Variants in SLC25A25 observed in about 807,000 individuals in gnomAD.
SLC25A25 encodes mitochondrial adenyl nucleotide antiporter SLC25A25.
A neutral mutation model predicts 57.7 loss-of-function variants in SLC25A25; 32 were observed. That is an observed-to-expected ratio of 0.55 (90% CI 0.42 to 0.74). SLC25A25 has a LOEUF of 0.74. Among genes scored for constraint, SLC25A25 ranks in the 30% least tolerant of loss-of-function variants. SLC25A25 has a pLI of 0.00. For synonymous variants in SLC25A25, 306 were observed against 291.2 expected, an observed-to-expected ratio of 1.05 and a Z score of -0.52; for missense variants, 556 against 701.3, an observed-to-expected ratio of 0.79 and a Z score of 2.34.
At chr9:128,094,644 G>A (rs571503184) in intron 1 of SLC25A25, among the ~76,000 whole-genome samples, 34 of 152,296 alleles carry the variant, frequency 2.2e-4, no homozygotes, top group African/African-American at 7.7e-4. Context: ...TGCAGAGGAG[G>A]GGAGAGGAAC....
chr9:128,068,681 T>A (rs930296409), intron 1 of SLC25A25, 101 bp downstream of exon 1: 14 of 1,259,310 alleles, frequency 1.1e-5, no homozygotes, highest in Admixed American at 7.9e-5. Context: ...GAACCCCCAC[T>A]GTCCAGAGGA....
At chr9:128,093,198 G>C (rs1037889022) in intron 1 of SLC25A25, among the ~76,000 whole-genome samples, 2 of 143,318 alleles carry the variant, frequency 1.4e-5, no homozygotes, top group African/African-American at 5.2e-5. Flanking sequence ...CTTCGTCTTT[G>C]ATGGGTTCCT....
rs1833523409 is a variant in SLC25A25 at position 128,095,190 on chromosome 9, C to T, written c.262-5906C>T. ...TTGCTCAAGTTACACCTTTCCCACA[C>T]ACCTGCCGCCTTCCAGTATGAGGTA... On this transcript the variant is annotated intron_variant, in intron 1 of 10. Transcript: ENST00000373069. This position sits in a 1 kb window ranked among gnomAD's most constrained non-coding sequence, Gnocchi z 4.4. Among the ~76,000 whole-genome samples the T allele has an allele frequency of 6.6e-6, 1 of 152,230 alleles. No individual in the cohort carries two copies.
intron 1 of SLC25A25, chr9:128,098,919 G>GGAAGGCTGGAATTCCAGC: frequency 1.0e-6 from 1 of 985,440 alleles, no homozygotes; most frequent in Non-Finnish European, 1.2e-6. Flanking sequence ...TGACTTCCCA[G>GGAAGGCTGGAATTCCAGC]GAAGGCTGGA....
intron 1 of SLC25A25, among the ~76,000 whole-genome samples, chr9:128,100,178 C>T (rs1409716973): frequency 6.7e-6 from 1 of 150,114 alleles, no homozygotes; most frequent in Non-Finnish European, 1.5e-5. Context: ...CATTTCCTAC[C>T]TCCTAGAGCT....
chr9:128,072,296 A>G (rs1251769945), intron 1 of SLC25A25, among the ~76,000 whole-genome samples: 2 of 152,220 alleles, frequency 1.3e-5, no homozygotes, highest in African/African-American at 4.8e-5. Context: ...AACTAGCAGG[A>G]GCCGAAAGAG....
intron 1 of SLC25A25, among the ~76,000 whole-genome samples, chr9:128,077,417 T>G (rs1042113888): frequency 1.3e-4 from 20 of 151,282 alleles, no homozygotes; most frequent in African/African-American, 4.2e-4. Context: ...CTCGGGAGGC[T>G]GAGGCAGGAG....
In SLC25A25 at chr9:128,098,766, C is replaced by G; in HGVS notation, c.262-2330C>G. ...GCGCGGAAGGGAGAGGCGCATTCAA[C>G]CGGTATTTGTTGAGTGAATGGCTGA... On this transcript the variant is annotated intron_variant, in intron 1 of 10. Transcript: ENST00000373069. The G allele has an allele frequency of 3.1e-6, 5 of 1,603,312 alleles. No individual in the cohort carries two copies. In the South Asian group the frequency reaches 5.6e-5, roughly 18 times the overall value.
rs1273648132 is a variant in SLC25A25, at chr9:128,107,390, C to T, written c.1494C>T (p.Ile498=). 5.3e-6 allele frequency: 8 copies of T among 1,512,248 alleles called. No homozygotes were observed. The highest frequency in any genetic ancestry group is 1.3e-5 in the South Asian group (1 of 75,066). The allele number at this position is 1,512,248 out of a possible 1,614,324, so 93.7% of individuals were successfully genotyped here. The change falls in exon 11 of 11, where the codon ATC becomes ATT. Residue 498 remains isoleucine, a synonymous_variant. Coordinates refer to ENST00000373069, the MANE Select transcript of SLC25A25 (RefSeq NM_001330988.2). ...TGAAGGTCATCCCAGCTGTGAGCAT[C>T]AGCTACGTGGTCTACGAGAACCTGA... The part of the protein sequence containing the change: ...NFMKVIPAVS[I]SYVVYENLKI...
intron 1 of SLC25A25, among the ~76,000 whole-genome samples, chr9:128,089,562 T>G (rs532172942): frequency 6.6e-6 from 1 of 152,166 alleles, no homozygotes; most frequent in South Asian, 2.1e-4. Context: ...GGGCAACTGA[T>G]ACAGGCTCCT....
intron 1 of SLC25A25, among the ~76,000 whole-genome samples, chr9:128,070,616 G>A (rs1832884067): frequency 6.6e-6 from 1 of 151,996 alleles, no homozygotes; most frequent in African/African-American, 2.4e-5. Context: ...GTTGTGAACT[G>A]GAGATTTTCC....
intron 1 of SLC25A25, 103 bp from the exon 2 acceptor site, chr9:128,100,993 T>A: frequency 6.6e-7 from 1 of 1,510,764 alleles, no homozygotes. Context: ...GGGCCAGCTC[T>A]GCTCGCAATT....
intron 1 of SLC25A25, among the ~76,000 whole-genome samples, chr9:128,100,483 G>A (rs945223176): frequency 6.6e-5 from 10 of 152,206 alleles, no homozygotes; most frequent in African/African-American, 2.4e-4. Flanking sequence ...GCAGGGACTG[G>A]CAGTACCATC....
Position 128,105,824 on chromosome 9 carries a change from C to T in SLC25A25, c.879C>T (p.Gly293=), listed in dbSNP as rs1485069698. 6.2e-7 allele frequency: 1 copy of T among 1,614,184 alleles called. No individual in the cohort carries two copies. Among genetic ancestry groups the T allele is most frequent in the South Asian group, 1.1e-5 (1 of 91,082 alleles). ...CCAGGTCACTCTGGCGGGGCAATGGCATCAACGTCCTCAAAATTGCCCCCG... is the reference window on the plus strand; with the variant it reads ...CCAGGTCACTCTGGCGGGGCAATGGTATCAACGTCCTCAAAATTGCCCCCG... ...GGARSLWRGN[G]INVLKIAPES... The change falls in exon 7 of 11, where the codon GGC becomes GGT. Residue 293 remains glycine, a synonymous_variant. Transcript: ENST00000373069.
In SLC25A25 at chr9:128,106,255, G is replaced by A. The variant is rs1474964192; in HGVS notation, c.1042G>A (p.Glu348Lys). 1.2e-6 allele frequency: 2 copies of A among 1,614,144 alleles called. No homozygotes were observed. The highest frequency in any genetic ancestry group is 2.2e-5 in the East Asian group (1 of 44,892). Residue 348 changes from glutamate to lysine, a missense_variant and splice_region_variant, in exon 8 of 11, where the codon GAG (glutamate) becomes AAG (lysine). By Grantham distance (56) the Glu-to-Lys change is moderately conservative (BLOSUM62 1). This residue lies in a region of SLC25A25 where 294 missense variants were observed against 389.6 expected (regional missense o/e 0.75). Transcript: ENST00000373069. ...CGCCCAGAGCAGCATCTACCCAATG[G>A]AGGTGAGGGGCCGCCTGGGTCCTGG... ...AIAQSSIYPM[E>K]VLKTRMALRK...
Position 128,107,092 on chromosome 9 carries a change from C to T in SLC25A25, c.1276C>T (p.Leu426Phe). The T allele has an allele frequency of 6.2e-7, 1 of 1,614,152 alleles. No individual in the cohort carries two copies. Among genetic ancestry groups the T allele is most frequent in the Non-Finnish European group, 8.5e-7 (1 of 1,180,044 alleles). The change falls in exon 10 of 11, where the codon CTC (leucine) becomes TTC (phenylalanine). Residue 426 changes from leucine to phenylalanine, a missense_variant. Leu to Phe is a conservative substitution (Grantham distance 22). This residue lies in a region of SLC25A25 where 294 missense variants were observed against 389.6 expected (regional missense o/e 0.75). Transcript: ENST00000373069. The stretch of plus-strand genomic sequence containing the variant: ...CAGCGCGGACCCCGGCGTGTTTGTG[C>T]TCCTGGCCTGTGGCACCATGTCCAG... ...VNSADPGVFV[L>F]LACGTMSSTC...
rs144622368 is a variant in SLC25A25, at chr9:128,072,945, C to T, written c.261+4365C>T. On this transcript the variant is annotated intron_variant, in intron 1 of 10. Transcript: ENST00000373069. ...TCTCTCCAGCTGAGGCTTTGGGGCTCTTGTAAGGGGCTGGTGTTTATTGCA... is the reference window on the plus strand; with the variant it reads ...TCTCTCCAGCTGAGGCTTTGGGGCTTTTGTAAGGGGCTGGTGTTTATTGCA... Among the ~76,000 whole-genome samples the T allele has an allele frequency of 6.8e-3, 1,030 of 152,270 alleles. 41 individuals carry two copies. Among genetic ancestry groups the T allele is most frequent in the Admixed American group, 0.06 (924 of 15,282 alleles).
intron 1 of SLC25A25, chr9:128,092,043 G>A (rs1299477674): frequency 6.2e-7 from 1 of 1,614,012 alleles, no homozygotes; most frequent in Non-Finnish European, 8.5e-7. Context: ...ACGGAAAAAA[G>A]ACCCACCATT....
chr9:128,068,241 C>T lies in SLC25A25; in HGVS notation c.-79C>T, dbSNP rs1588738134. On this transcript the variant is annotated 5_prime_UTR_variant, in exon 1 of 11. Coordinates refer to ENST00000373069, the MANE Select transcript of SLC25A25 (RefSeq NM_001330988.2). ...GCCCGCGCTCCCAGCTGCAGAGCGC[C>T]TGGCTTGCCTCCCGCGCGGTCACCG... 2.4e-6 allele frequency: 2 copies of T among 828,384 alleles called. No individual in the cohort carries two copies. The highest frequency in any genetic ancestry group is 3.2e-6 in the Non-Finnish European group (2 of 623,080). 51.3% of individuals were successfully genotyped at this position (828,384 alleles called of 1,614,324 possible).
Sources: allele counts gnomAD v4.1 joint callset (sites outside exome capture counted in the v4.1 genomes callset), GRCh38; gene constraint gnomAD v4.1.1; regional missense constraint gnomAD v4.1.1; non-coding constraint Gnocchi (gnomAD v3.1); transcripts MANE v1.5; gene names NCBI Gene and HGNC (gene_info 2026-07-23, HGNC 2026-07-21).